TOMM20L: variants seen among roughly 807,000 people sequenced by gnomAD.
The protein encoded by TOMM20L is translocase of outer mitochondrial membrane 20 like.
TOMM20L carries 19 observed loss-of-function variants against 20.4 expected under a neutral mutation model. The ratio of observed to expected loss-of-function variants is 0.93; its 90% confidence interval spans 0.65 to 1.36. The LOEUF (loss-of-function observed/expected upper bound fraction) is 1.36. Ranked by LOEUF, TOMM20L falls within the 40% of genes most tolerant of loss-of-function variation. The pLI is 0.00. For synonymous variants in TOMM20L, 75 were observed against 79.6 expected (o/e 0.94, Z 0.30); for missense variants, 218 against 203.7 (o/e 1.07, Z -0.43).
intron 2 of TOMM20L, 103 bp from the exon 3 acceptor site, chr14:58,402,577 C>T (rs1044032557): frequency 2.0e-5 from 18 of 880,126 alleles, no homozygotes; most frequent in African/African-American, 8.4e-5. Flanking sequence ...TGTGAGCCAC[C>T]GCATCTGGCC....
In TOMM20L at chr14:58,400,611, G is replaced by A. The variant is rs184115511; in HGVS notation, c.181-2069G>A. Among the ~76,000 whole-genome samples the A allele has an allele frequency of 3.4e-4, 52 of 152,086 alleles. 2 individuals are homozygous for A. Among genetic ancestry groups the A allele is most frequent in the Admixed American group, 1.5e-3 (23 of 15,260 alleles). On this transcript the variant is annotated intron_variant, in intron 2 of 4. Coordinates refer to ENST00000360945, the MANE Select transcript of TOMM20L (RefSeq NM_207377.3). ...TTTACCCTATTATGGCCGGCGCGGTGGCTCAGGCCTGTAATCCCAGCACTT... is the reference window on the plus strand; with the variant it reads ...TTTACCCTATTATGGCCGGCGCGGTAGCTCAGGCCTGTAATCCCAGCACTT...
intron 3 of TOMM20L, among the ~76,000 whole-genome samples, chr14:58,403,353 C>A (rs778992502): frequency 1.3e-5 from 2 of 151,954 alleles, no homozygotes; most frequent in African/African-American, 2.4e-5. Flanking sequence ...GACTCTGTCT[C>A]AAGAAAACAA....
At chr14:58,397,905 A>G (rs534095486) in intron 2 of TOMM20L, among the ~76,000 whole-genome samples, 1 of 152,342 alleles carries the variant, frequency 6.6e-6, no homozygotes, top group South Asian at 2.1e-4. Flanking sequence ...TATTGCAGCA[A>G]TTTAGTTGAG....
the TOMM20L span, among the ~76,000 whole-genome samples, chr14:58,414,515 A>T: frequency 4.6e-5 from 7 of 152,072 alleles, no homozygotes; most frequent in African/African-American, 1.7e-4. Flanking sequence ...AGGCAGGTGG[A>T]TCACCTGAGG....
downstream of TOMM20L, among the ~76,000 whole-genome samples, chr14:58,412,317 T>C (rs2036246429): frequency 1.3e-5 from 2 of 152,188 alleles, no homozygotes; most frequent in Non-Finnish European, 2.9e-5. Flanking sequence ...AATTTTTGTA[T>C]TTTTAGTAGA....
chr14:58,412,622 T>C (rs541589789), downstream of TOMM20L, among the ~76,000 whole-genome samples: 1 of 152,152 alleles, frequency 6.6e-6, no homozygotes, highest in Non-Finnish European at 1.5e-5. Context: ...TAAAAAAAGC[T>C]GGGTGTGGTG....
In TOMM20L at chr14:58,402,692, A is replaced by T; in HGVS notation, c.193A>T (p.Thr65Ser). The change falls in exon 3 of 5, where the codon ACG becomes TCG. Residue 65 changes from threonine to serine, a missense_variant. Coordinates refer to ENST00000360945, the MANE Select transcript of TOMM20L (RefSeq NM_207377.3). ...EEQGTQLWDP[T>S]KNKKLQELFL... ...ATGAATATTTTAGTTGTGGGATCCA[A>T]CGAAGAATAAAAAGTTGCAAGAACT... The T allele has an allele frequency of 6.2e-7, 1 of 1,613,392 alleles. No homozygotes were observed. Among genetic ancestry groups the T allele is most frequent in the Non-Finnish European group, 8.5e-7 (1 of 1,179,334 alleles).
In TOMM20L at chr14:58,402,689, C is replaced by G; in HGVS notation, c.190C>G (p.Pro64Ala). ...AEEQGTQLWDPTKNKKLQELF... is the reference protein window; with the variant it reads ...AEEQGTQLWDATKNKKLQELF... ...TTTATGAATATTTTAGTTGTGGGAT[C>G]CAACGAAGAATAAAAAGTTGCAAGA... is the stretch of plus-strand genomic sequence containing the variant. Residue 64 changes from proline to alanine, a missense_variant, in exon 3 of 5, where the codon CCA becomes GCA. Pro to Ala is a conservative substitution (Grantham distance 27). Coordinates refer to ENST00000360945, the MANE Select transcript of TOMM20L (RefSeq NM_207377.3). The G allele has an allele frequency of 6.2e-7, 1 of 1,612,602 alleles. No homozygotes were observed. Among genetic ancestry groups the G allele is most frequent in the Non-Finnish European group, 8.5e-7 (1 of 1,178,826 alleles).
intron 3 of TOMM20L, among the ~76,000 whole-genome samples, chr14:58,406,203 T>C (rs2036054937): frequency 6.6e-6 from 1 of 152,326 alleles, no homozygotes; most frequent in Non-Finnish European, 1.5e-5. Flanking sequence ...GCTGGTATGA[T>C]TGAATTTATT....
downstream of TOMM20L, chr14:58,410,807 G>A (rs765088777): frequency 1.2e-5 from 18 of 1,447,312 alleles, no homozygotes; most frequent in African/African-American, 2.3e-4. Context: ...TGTTTATGAA[G>A]GCTTGTAGAA....
downstream of TOMM20L, chr14:58,412,077 A>G: frequency 3.9e-6 from 3 of 769,538 alleles, no homozygotes; most frequent in Non-Finnish European, 6.5e-6. Flanking sequence ...CTGTGTATGT[A>G]ATTGTATGCC....
chr14:58,397,506 G>A (rs1335533572), intron 2 of TOMM20L, among the ~76,000 whole-genome samples: 1 of 152,188 alleles, frequency 6.6e-6, no homozygotes, highest in Non-Finnish European at 1.5e-5. Flanking sequence ...AGTTTTTCCG[G>A]AGAAGACTTT....
downstream of TOMM20L, chr14:58,410,946 C>T (rs779391870): frequency 1.3e-6 from 2 of 1,595,638 alleles, no homozygotes; most frequent in East Asian, 2.2e-5. Context: ...AAACTACAAA[C>T]AAACCAGAAT....
At chr14:58,403,001 C>T (rs2036010648) in intron 3 of TOMM20L, among the ~76,000 whole-genome samples, 1 of 152,144 alleles carries the variant, frequency 6.6e-6, no homozygotes, top group Non-Finnish European at 1.5e-5. Flanking sequence ...TACAAAAATA[C>T]CTCATTTATT....
downstream of TOMM20L, chr14:58,411,923 G>A: frequency 6.2e-7 from 1 of 1,613,836 alleles, no homozygotes; most frequent in Non-Finnish European, 8.5e-7. Context: ...TATCTGATCA[G>A]ATTCTGGTAT....
At chr14:58,396,444 C>G (rs1450272271) in intron 2 of TOMM20L, 103 bp downstream of exon 2, 11 of 1,309,900 alleles carry the variant, frequency 8.4e-6, no homozygotes. Context: ...TTAGTTCCCT[C>G]AGCCGCCCGT....
At chr14:58,414,715 C>T in the TOMM20L span, among the ~76,000 whole-genome samples, 1 of 137,084 alleles carries the variant, frequency 7.3e-6, no homozygotes, top group Non-Finnish European at 1.5e-5. Flanking sequence ...CCAGCCTGCA[C>T]CGCATAGTGA....
At chr14:58,411,012 A>C, downstream of TOMM20L, 1 of 1,027,696 alleles carries the variant, frequency 9.7e-7, no homozygotes, top group African/African-American at 1.6e-5. Flanking sequence ...AATTACTGGT[A>C]TTTTATATTT....
chr14:58,416,618 C>T, the TOMM20L span, among the ~76,000 whole-genome samples: 1 of 152,208 alleles, frequency 6.6e-6, no homozygotes, highest in African/African-American at 2.4e-5. Flanking sequence ...AGGTACAATA[C>T]ACTTCTCTTG....
Sources: allele counts gnomAD v4.1 joint callset (sites outside exome capture counted in the v4.1 genomes callset), GRCh38; gene constraint gnomAD v4.1.1; transcripts MANE v1.5; gene names NCBI Gene and HGNC (gene_info 2026-07-23, HGNC 2026-07-21).